The following HEG1 variants were observed in gnomAD, a reference collection of about 807,000 sequenced individuals.
HEG1 encodes the protein heart development protein with EGF like domains 1.
In HEG1, 56 loss-of-function variants were observed where a neutral mutation model predicts 125.6. The ratio of observed to expected loss-of-function variants is 0.45; its 90% CI spans 0.36 to 0.56. HEG1 has a LOEUF of 0.56. Ranked by LOEUF, HEG1 falls within the 20% of genes least tolerant of loss-of-function variation. The pLI, the probability that HEG1 is intolerant of heterozygous loss-of-function variation, is 0.00. For missense variants in HEG1, 1,523 were observed against 1,670.0 expected, an observed-to-expected ratio of 0.91 and a Z score of 1.53; for synonymous variants, 644 against 668.5, an observed-to-expected ratio of 0.96 and a Z score of 0.57.
chr3:125,021,299 C>T (rs1476862909), intron 3 of HEG1, among the ~76,000 whole-genome samples, 169 bp from the exon 4 acceptor site: 3 of 151,976 alleles, frequency 2.0e-5, no homozygotes, highest in Admixed American at 2.0e-4. Context: ...AGGACACATG[C>T]CTGCACTCTC....
At chr3:124,995,086 C>G (rs1936895221) in intron 12 of HEG1, among the ~76,000 whole-genome samples, 1 of 151,970 alleles carries the variant, frequency 6.6e-6, no homozygotes. Context: ...ATTGCTTGAG[C>G]CTAGGTGTTT....
chr3:125,004,230 T>A (rs1278563611), intron 9 of HEG1, among the ~76,000 whole-genome samples: 3 of 152,238 alleles, frequency 2.0e-5, no homozygotes, highest in Admixed American at 6.5e-5. Context: ...CAAAGTCCTG[T>A]AGAAATGTAT....
intron 1 of HEG1, among the ~76,000 whole-genome samples, chr3:125,036,061 T>A (rs760464443): frequency 6.6e-6 from 1 of 151,098 alleles, no homozygotes; most frequent in Non-Finnish European, 1.5e-5. Context: ...TAAAAAAAAA[T>A]TAACCAGGCA....
At chr3:125,032,310 C>T (rs1262118074) in intron 1 of HEG1, among the ~76,000 whole-genome samples, 1 of 152,260 alleles carries the variant, frequency 6.6e-6, no homozygotes, top group Non-Finnish European at 1.5e-5. Context: ...AGAAGACATT[C>T]TGACAGGCTT....
At chr3:124,993,942 G>A (rs959950610) in intron 12 of HEG1, among the ~76,000 whole-genome samples, 12 of 152,278 alleles carry the variant, frequency 7.9e-5, no homozygotes, top group African/African-American at 1.4e-4. Context: ...CTACTGTGCC[G>A]TGGCGCTGTT....
intron 1 of HEG1, among the ~76,000 whole-genome samples, chr3:125,035,724 A>T (rs1937542395): frequency 6.6e-6 from 1 of 152,210 alleles, no homozygotes; most frequent in South Asian, 2.1e-4. Context: ...AGCAAAAAAA[A>T]TACATGTGTG....
chr3:125,005,577 A>G (rs932871922), intron 8 of HEG1, among the ~76,000 whole-genome samples: 1 of 152,126 alleles, frequency 6.6e-6, no homozygotes, highest in African/African-American at 2.4e-5. Context: ...GAAGGCTTAG[A>G]TTGAGCAAAC....
intron 5 of HEG1, among the ~76,000 whole-genome samples, chr3:125,017,856 T>C (rs1203172348): frequency 1.4e-5 from 2 of 147,952 alleles, no homozygotes; most frequent in Non-Finnish European, 3.0e-5. Flanking sequence ...CTGTCTCTAC[T>C]GAAAATATAA....
Position 125,012,927 on chromosome 3 carries a change from G to A in HEG1, c.2652C>T (p.Thr884=), listed in dbSNP as rs1429155890. The A allele has an allele frequency of 6.2e-7, 1 of 1,613,914 alleles. No individual in the cohort carries two copies. Among genetic ancestry groups the A allele is most frequent in the Non-Finnish European group, 8.5e-7 (1 of 1,179,904 alleles). The change falls in exon 6 of 17, where the codon ACC becomes ACT. Residue 884 remains threonine, a synonymous_variant. Transcript: ENST00000311127. Reference sequence around the variant, plus strand: ...TTTGAGGAACTAGTATTTCAGGATGGGTCAGCGAGAGCTGTTTTCCAGCTG... The same window carrying A: ...TTTGAGGAACTAGTATTTCAGGATGAGTCAGCGAGAGCTGTTTTCCAGCTG... ...QTTAGKQLSL[T]HPEILVPQIS... is the part of the protein sequence containing the mutation.
intron 6 of HEG1, among the ~76,000 whole-genome samples, chr3:125,012,132 C>T (rs1937164922): frequency 6.6e-6 from 1 of 152,158 alleles, no homozygotes; most frequent in Non-Finnish European, 1.5e-5. Context: ...CCAGTGACGC[C>T]AAGAAGCTCC....
In HEG1 at chr3:125,055,934, G is replaced by C; in HGVS notation, c.-44C>G. 1 of 912,136 alleles carries C rather than the reference G, an allele frequency of 1.1e-6. No homozygotes were observed. Among genetic ancestry groups the C allele is most frequent in the Non-Finnish European group, 1.3e-6 (1 of 780,702 alleles). The allele number at this position is 912,136 out of a possible 1,614,324, so 56.5% of individuals were successfully genotyped here. ...CGCTCACATGCCCGGCGCGCGGGGC[G>C]AGGGCAGCGGGCAGCGGGCAGCGGG... On this transcript the variant is annotated 5_prime_UTR_variant, in exon 1 of 17. Transcript: ENST00000311127.
At position 124,992,472 on chromosome 3, in the gene HEG1, T is replaced by C. The variant is rs564878738; in HGVS notation, c.3653-1486A>G. Among the ~76,000 whole-genome samples the C allele has an allele frequency of 1.4e-4, 22 of 152,316 alleles. 1 individual carries two copies. The highest frequency in any genetic ancestry group is 1.0e-3 in the South Asian group (5 of 4,826). ...TGTGATACAGGGTTAATGTACGAGA[T>C]ACATTGCATAAAAGATCCCGAATAA... On this transcript the variant is annotated intron_variant, in intron 12 of 16. Coordinates refer to ENST00000311127, the MANE Select transcript of HEG1 (RefSeq NM_020733.2).
rs78930325 is a variant in HEG1 at position 125,025,200 on chromosome 3, C to A, written c.913+2005G>T. Reference sequence around the variant, plus strand: ...GGTTAGTGGGTTACCAGATGCCAGCCCAGCTTTAAAAACAAAGCAGAAGTT... The same window carrying A: ...GGTTAGTGGGTTACCAGATGCCAGCACAGCTTTAAAAACAAAGCAGAAGTT... On this transcript the variant is annotated intron_variant, in intron 3 of 16. Transcript: ENST00000311127. Among the ~76,000 whole-genome samples the A allele has an allele frequency of 2.3e-3, 357 of 152,300 alleles. 1 individual carries two copies. Among genetic ancestry groups the A allele is most frequent in the African/African-American group, 8.3e-3 (344 of 41,560 alleles).
intron 14 of HEG1, among the ~76,000 whole-genome samples, chr3:124,986,084 A>T (rs960275345): frequency 5.3e-5 from 8 of 152,134 alleles, no homozygotes; most frequent in Non-Finnish European, 1.0e-4. Flanking sequence ...TGCCCTTTCC[A>T]GTTTCTCTGT....
intron 11 of HEG1, 106 bp downstream of exon 11, chr3:125,001,746 T>C (rs1254792382): frequency 2.4e-6 from 3 of 1,255,362 alleles, no homozygotes; most frequent in Admixed American, 2.6e-5. Context: ...AAAAATAGGC[T>C]CTGTGAGGGC....
Position 125,019,518 on chromosome 3 carries a change from C to T in HEG1, c.1332G>A (p.Arg444=). 1 of 1,613,952 alleles carries T rather than the reference C, an allele frequency of 6.2e-7. No individual in the cohort carries two copies. The highest frequency in any genetic ancestry group is 8.5e-7 in the Non-Finnish European group (1 of 1,179,828). The change falls in exon 5 of 17, where the codon AGG becomes AGA. Residue 444 remains arginine (R), a synonymous_variant. Transcript: ENST00000311127. ...SPMSQTETVS[R]SVAPMRGGEI... The stretch of plus-strand genomic sequence containing the variant: ...CTCCACCTCTCATGGGTGCGACTGA[C>T]CTAGACACAGTCTCAGTCTGAGACA...
At chr3:124,989,164 T>G (rs976301628) in intron 14 of HEG1, among the ~76,000 whole-genome samples, 1 of 152,240 alleles carries the variant, frequency 6.6e-6, no homozygotes, top group African/African-American at 2.4e-5. Flanking sequence ...CAAGAGAGTT[T>G]TATGTCAGTT....
At chr3:125,001,450 A>C (rs770682715) in intron 11 of HEG1, among the ~76,000 whole-genome samples, 32 of 152,088 alleles carry the variant, frequency 2.1e-4, no homozygotes, top group Non-Finnish European at 3.4e-4. Context: ...GGCCAGATGA[A>C]GGTTTTTTTG....
At chr3:125,010,272 C>T (rs1937138015) in intron 7 of HEG1, among the ~76,000 whole-genome samples, 167 bp downstream of exon 7, 1 of 152,198 alleles carries the variant, frequency 6.6e-6, no homozygotes. Flanking sequence ...CACTACAGTT[C>T]CTGACATTCT....
Sources: allele counts gnomAD v4.1 joint callset (sites outside exome capture counted in the v4.1 genomes callset), GRCh38; gene constraint gnomAD v4.1.1; transcripts MANE v1.5; gene names NCBI Gene and HGNC (gene_info 2026-07-23, HGNC 2026-07-21).